LRFN2: variants seen among roughly 807,000 people sequenced by gnomAD.
LRFN2 encodes leucine rich repeat and fibronectin type III domain containing 2.
A neutral mutation model predicts 37.3 loss-of-function variants in LRFN2; 18 were observed. The ratio of observed to expected loss-of-function variants is 0.48; its 90% CI spans 0.33 to 0.72. The LOEUF (loss-of-function observed/expected upper bound fraction) is 0.72, where lower values mean the gene tolerates loss of function less well. LRFN2 is among the 30% of genes least tolerant of loss of function. The pLI is 0.02. For synonymous variants in LRFN2, 556 were observed against 466.6 expected (o/e 1.19, Z -2.47); for missense variants, 1,006 against 1,060.7 (o/e 0.95, Z 0.72).
intron 2 of LRFN2, among the ~76,000 whole-genome samples, chr6:40,420,588 G>T (rs554231047): frequency 6.6e-6 from 1 of 152,316 alleles, no homozygotes; most frequent in African/African-American, 2.4e-5. Context: ...GCAGCTCTGT[G>T]GCCATCATAC....
At position 40,404,300 on chromosome 6, in the gene LRFN2, G is replaced by GT. The variant is rs1554132073; in HGVS notation, c.1401-11389dup. On this transcript the variant is annotated intron_variant, in intron 2 of 2. Transcript: ENST00000338305. ...GTTGTTTTTTTGTTTTTTGTTTTTT[G>GT]TTTTTTTTTGCCTGTTTTGTTCACT... is the stretch of plus-strand genomic sequence containing the variant. 4.2e-4 allele frequency among the ~76,000 whole-genome samples: 63 copies of GT among 149,180 alleles called. 1 individual carries two copies. The highest frequency in any genetic ancestry group is 2.4e-3 in the South Asian group (11 of 4,670).
intron 1 of LRFN2, among the ~76,000 whole-genome samples, chr6:40,510,157 G>A (rs1297576575): frequency 6.6e-6 from 1 of 151,726 alleles, no homozygotes; most frequent in Non-Finnish European, 1.5e-5. Context: ...TGCTGCACAG[G>A]TAGGAGGGGT....
At chr6:40,551,091 A>G (rs758541818) in intron 1 of LRFN2, among the ~76,000 whole-genome samples, 248 of 152,262 alleles carry the variant, frequency 1.6e-3, no homozygotes, top group Non-Finnish European at 2.6e-3. Flanking sequence ...GGTTCATGAC[A>G]CTAGGCTAAT....
chr6:40,495,796 A>G (rs915986850), intron 1 of LRFN2, among the ~76,000 whole-genome samples: 2 of 152,080 alleles, frequency 1.3e-5, no homozygotes, highest in South Asian at 2.1e-4. Flanking sequence ...TTCTGTGTCT[A>G]CACTCTACTG....
In LRFN2 at chr6:40,402,988, G is replaced by A. The variant is rs1023118396; in HGVS notation, c.1401-10076C>T. On this transcript the variant is annotated intron_variant, in intron 2 of 2. Coordinates refer to ENST00000338305, the MANE Select transcript of LRFN2 (RefSeq NM_020737.3). ...TTGAGGTAGAAACAGTGAGGAGGAC[G>A]GTGAGGCTGGAACAGAGAGATGGAA... Among the ~76,000 whole-genome samples, 11 of 152,258 alleles carry A rather than the reference G, an allele frequency of 7.2e-5. 1 individual carries two copies. The South Asian group carries it at 8.3e-4, about 11-fold the overall frequency.
intron 1 of LRFN2, among the ~76,000 whole-genome samples, chr6:40,583,202 A>ATATATACACTATATACATATGTAG (rs61063165): frequency 6.9e-5 from 10 of 144,722 alleles, no homozygotes; most frequent in African/African-American, 2.4e-4. Context: ...ATATATAGAC[A>ATATATACACTATATACATATGTAG]TATATATACA....
chr6:40,424,282 T>G (rs888990252), intron 2 of LRFN2, among the ~76,000 whole-genome samples: 2 of 152,156 alleles, frequency 1.3e-5, no homozygotes, highest in Admixed American at 1.3e-4. Context: ...AGAAAATCCC[T>G]GTGGACTTCC....
intron 2 of LRFN2, among the ~76,000 whole-genome samples, chr6:40,398,863 C>G (rs1227295568): frequency 6.6e-6 from 1 of 151,870 alleles, no homozygotes; most frequent in Non-Finnish European, 1.5e-5. Flanking sequence ...CACTAGCACA[C>G]AAATCTACGG....
chr6:40,535,948 C>T (rs1028209414), intron 1 of LRFN2, among the ~76,000 whole-genome samples: 3 of 151,978 alleles, frequency 2.0e-5, no homozygotes, highest in East Asian at 1.9e-4. Context: ...GCTGGCTCAG[C>T]GATGCAGAAG....
intron 1 of LRFN2, among the ~76,000 whole-genome samples, chr6:40,448,807 A>G (rs1452184422): frequency 6.6e-6 from 1 of 152,230 alleles, no homozygotes; most frequent in African/African-American, 2.4e-5. Flanking sequence ...TTCCGGCTTC[A>G]ATTCCCTTGC....
At chr6:40,550,207 G>A (rs1766744944) in intron 1 of LRFN2, among the ~76,000 whole-genome samples, 1 of 152,116 alleles carries the variant, frequency 6.6e-6, no homozygotes, top group African/African-American at 2.4e-5. Flanking sequence ...CCAATATGGA[G>A]GCCGAAGCTA....
At chr6:40,487,980 C>T (rs1765004786) in intron 1 of LRFN2, among the ~76,000 whole-genome samples, 1 of 152,172 alleles carries the variant, frequency 6.6e-6, no homozygotes, top group African/African-American at 2.4e-5. Context: ...AAGGGCTCAG[C>T]ATAGCAGTCC....
At chr6:40,492,801 T>C (rs1765122729) in intron 1 of LRFN2, among the ~76,000 whole-genome samples, 1 of 151,988 alleles carries the variant, frequency 6.6e-6, no homozygotes, top group South Asian at 2.1e-4. Flanking sequence ...AAGCCCAGAC[T>C]CATTTAGAGG....
chr6:40,529,536 C>A (rs560664020), intron 1 of LRFN2, among the ~76,000 whole-genome samples: 1 of 152,300 alleles, frequency 6.6e-6, no homozygotes, highest in South Asian at 2.1e-4. Flanking sequence ...AAATCTGCTG[C>A]CAAGCCATCA....
chr6:40,513,234 ATTTT>A (rs199587651), intron 1 of LRFN2, among the ~76,000 whole-genome samples: 2 of 144,556 alleles, frequency 1.4e-5, no homozygotes, highest in African/African-American at 5.0e-5. Flanking sequence ...TCATTTAACA[ATTTT>A]TTTTTTTTTT....
intron 1 of LRFN2, among the ~76,000 whole-genome samples, chr6:40,462,174 G>A (rs919415164): frequency 2.0e-5 from 3 of 152,168 alleles, no homozygotes; most frequent in Admixed American, 6.5e-5. Flanking sequence ...AAGAAAAACA[G>A]AGGCGAAGTA....
intron 1 of LRFN2, among the ~76,000 whole-genome samples, chr6:40,449,414 C>T (rs1474847764): frequency 6.6e-6 from 1 of 152,228 alleles, no homozygotes. Context: ...CAGTTGCAGC[C>T]ATGTGACTTA....
At chr6:40,442,945 T>C (rs1414977360) in intron 1 of LRFN2, among the ~76,000 whole-genome samples, 1 of 152,216 alleles carries the variant, frequency 6.6e-6, no homozygotes, top group Non-Finnish European at 1.5e-5. Context: ...GTTATCACCC[T>C]GCCCTGTTAT....
chr6:40,529,248 C>A (rs1766307033), intron 1 of LRFN2, among the ~76,000 whole-genome samples: 1 of 152,144 alleles, frequency 6.6e-6, no homozygotes, highest in South Asian at 2.1e-4. Context: ...GACCCCAGGA[C>A]CTTTGCATAA....
Sources: gnomAD v4.1 joint callset for allele counts (sites outside exome capture counted in the v4.1 genomes callset) on GRCh38, gnomAD v4.1.1 for gene constraint, MANE v1.5 for transcripts, NCBI Gene and HGNC (gene_info 2026-07-23, HGNC 2026-07-21) for gene names.